Variants in CIRSR observed in about 807,000 individuals in gnomAD.
CIRSR encodes the protein CBF1 (RBPJ) interacting corepressor 1.
chr2:174,359,334 TAAAAAAA>T, the CIRSR span, among the ~76,000 whole-genome samples: 4 of 136,734 alleles, frequency 2.9e-5, no homozygotes, highest in African/African-American at 1.1e-4. Context: ...GCATTTTACT[TAAAAAAA>T]AAAAAAAAAA....
chr2:174,380,158 T>C, the CIRSR span: 2 of 1,342,634 alleles, frequency 1.5e-6, no homozygotes, highest in Non-Finnish European at 2.1e-6. Flanking sequence ...GATACATTTA[T>C]TAAATAAAAA....
the CIRSR span, chr2:174,378,601 G>GT: frequency 3.0e-6 from 1 of 334,952 alleles, no homozygotes; most frequent in Non-Finnish European, 5.6e-6. Context: ...CAGGATATGA[G>GT]TATGAGAAAT....
chr2:174,369,424 C>T, the CIRSR span, among the ~76,000 whole-genome samples: 1 of 152,242 alleles, frequency 6.6e-6, no homozygotes, highest in Admixed American at 6.5e-5. Context: ...AGCAGTAAGG[C>T]TGTTTCACTT....
At chr2:174,395,115 A>G in the CIRSR span, among the ~76,000 whole-genome samples, 14 of 152,152 alleles carry the variant, frequency 9.2e-5, no homozygotes, top group African/African-American at 3.4e-4. Flanking sequence ...AACTTCAACG[A>G]GTTTAGTCAT....
At chr2:174,348,253 C>A in the CIRSR span, 1 of 443,122 alleles carries the variant, frequency 2.3e-6, no homozygotes, top group Non-Finnish European at 3.8e-6. Context: ...CAGTTACCAA[C>A]AGAAAATATT....
At chr2:174,364,850 T>C in the CIRSR span, among the ~76,000 whole-genome samples, 13 of 152,206 alleles carry the variant, frequency 8.5e-5, no homozygotes, top group Non-Finnish European at 1.8e-4. Flanking sequence ...CCTAGGCCTC[T>C]GGGCCTGTAA....
chr2:174,378,829 C>A, the CIRSR span: 1 of 950,504 alleles, frequency 1.1e-6, no homozygotes, highest in Non-Finnish European at 1.7e-6. Context: ...ACACACAAAC[C>A]CAAATAAAAC....
chr2:174,354,392 CAT>C, the CIRSR span, among the ~76,000 whole-genome samples: 2 of 100,856 alleles, frequency 2.0e-5, no homozygotes, highest in Non-Finnish European at 3.6e-5. Flanking sequence ...TATATATGTA[CAT>C]ATATATTTTA....
the CIRSR span, chr2:174,387,541 T>C: frequency 4.9e-6 from 4 of 817,184 alleles, no homozygotes; most frequent in Non-Finnish European, 7.2e-6. Context: ...GGTATGAGAG[T>C]AAAAGAGATA....
At chr2:174,392,819 CT>C in the CIRSR span, among the ~76,000 whole-genome samples, 1 of 152,256 alleles carries the variant, frequency 6.6e-6, no homozygotes, top group African/African-American at 2.4e-5. Context: ...TTTGAGGTGC[CT>C]ATAGGACATC....
the CIRSR span, among the ~76,000 whole-genome samples, chr2:174,384,731 T>TG: frequency 9.4e-4 from 142 of 151,856 alleles, no homozygotes; most frequent in African/African-American, 2.6e-3. Context: ...TCATTTATAT[T>TG]GAAAAAAAAT....
the CIRSR span, among the ~76,000 whole-genome samples, chr2:174,353,187 G>T: frequency 6.6e-6 from 1 of 152,020 alleles, no homozygotes; most frequent in Non-Finnish European, 1.5e-5. Context: ...GGAGTATGGG[G>T]GAAGTTATTA....
At chr2:174,381,563 G>A in the CIRSR span, 1 of 592,316 alleles carries the variant, frequency 1.7e-6, no homozygotes, top group Admixed American at 3.0e-5. Flanking sequence ...TGAGGCAGGA[G>A]AATTGCTCCA....
the CIRSR span, among the ~76,000 whole-genome samples, chr2:174,368,419 T>C: frequency 6.6e-6 from 1 of 152,200 alleles, no homozygotes; most frequent in Non-Finnish European, 1.5e-5. Context: ...AACAGAAAGA[T>C]AGCTGGAAAA....
chr2:174,348,728 C>G, the CIRSR span: 3 of 1,614,218 alleles, frequency 1.9e-6, no homozygotes, highest in Non-Finnish European at 2.5e-6. Context: ...TGCTCCCCTC[C>G]TTTCTTTCAG....
the CIRSR span, among the ~76,000 whole-genome samples, chr2:174,365,966 T>A: frequency 6.6e-6 from 1 of 152,146 alleles, no homozygotes; most frequent in Non-Finnish European, 1.5e-5. Flanking sequence ...AGGGCTCTAA[T>A]GGAAAAACTG....
the CIRSR span, among the ~76,000 whole-genome samples, chr2:174,376,799 G>A: frequency 5.0e-5 from 5 of 100,774 alleles, no homozygotes; most frequent in East Asian, 1.3e-3. Flanking sequence ...CTCTGTCTCA[G>A]GGAAAAAAAA....
At chr2:174,361,633 T>C in the CIRSR span, among the ~76,000 whole-genome samples, 1 of 152,108 alleles carries the variant, frequency 6.6e-6, no homozygotes, top group African/African-American at 2.4e-5. Context: ...AATCAAGAAT[T>C]AGGAAAAATT....
the CIRSR span, among the ~76,000 whole-genome samples, chr2:174,365,458 C>A: frequency 2.6e-5 from 4 of 152,166 alleles, no homozygotes; most frequent in Admixed American, 2.6e-4. Flanking sequence ...AGCAACACCT[C>A]ACTCTATTGG....
Sources: allele counts gnomAD v4.1 joint callset (sites outside exome capture counted in the v4.1 genomes callset), GRCh38; gene constraint gnomAD v4.1.1; transcripts MANE v1.5; gene names NCBI Gene and HGNC (gene_info 2026-07-23, HGNC 2026-07-21).